SH3D19: variants seen among roughly 807,000 people sequenced by gnomAD.
SH3D19 encodes the protein SH3 domain-containing protein 19.
SH3D19 carries 58 observed loss-of-function variants against 112.1 expected under a neutral mutation model. The ratio of observed to expected loss-of-function variants is 0.52; its 90% confidence interval spans 0.42 to 0.64. SH3D19 has a LOEUF of 0.64. Among genes scored for constraint, SH3D19 ranks in the 30% least tolerant of loss-of-function variants. SH3D19 has a pLI of 0.00. For missense variants in SH3D19, 1,090 were observed against 1,263.4 expected (o/e 0.86, Z 2.08); for synonymous variants, 391 against 448.5 (o/e 0.87, Z 1.62).
intron 2 of SH3D19, among the ~76,000 whole-genome samples, chr4:151,203,535 T>A (rs552606333): frequency 6.6e-6 from 1 of 152,228 alleles, no homozygotes; most frequent in Non-Finnish European, 1.5e-5. Flanking sequence ...TGGCTGGAGA[T>A]AAAAAAATGA....
intron 1 of SH3D19, among the ~76,000 whole-genome samples, chr4:151,241,115 T>A (rs1016284042): frequency 6.3e-4 from 28 of 44,440 alleles, no homozygotes; most frequent in African/African-American, 1.0e-3. Flanking sequence ...TGAAACGTGA[T>A]CTCTACAAAA....
chr4:151,306,486 TG>T (rs746105275), intron 1 of SH3D19, among the ~76,000 whole-genome samples: 14 of 152,168 alleles, frequency 9.2e-5, no homozygotes, highest in Non-Finnish European at 1.9e-4. Flanking sequence ...GCTAAAAAGT[TG>T]GTACTTTTTA....
intron 11 of SH3D19, among the ~76,000 whole-genome samples, chr4:151,144,956 C>T (rs902189927): frequency 8.5e-5 from 13 of 152,200 alleles, no homozygotes; most frequent in Non-Finnish European, 4.4e-5. Flanking sequence ...TGCAATCACA[C>T]AAGCTCACAT....
At position 151,121,525 on chromosome 4, in the gene SH3D19, G is replaced by A. The variant is rs1747973726; in HGVS notation, c.*566C>T. 6.6e-6 allele frequency: 1 copy of A among 152,268 alleles called. No individual in the cohort carries two copies. Among genetic ancestry groups the A allele is most frequent in the East Asian group, 1.9e-4 (1 of 5,198 alleles). The allele number at this position is 152,268 out of a possible 1,614,324, so 9.4% of individuals were successfully genotyped here. Reference sequence around the variant, plus strand: ...CATAAAGATTATTTTGGTGGGCAGGGGCTGATTTCACCATGTGCTTACAAA... The same window carrying A: ...CATAAAGATTATTTTGGTGGGCAGGAGCTGATTTCACCATGTGCTTACAAA... On this transcript the variant is annotated 3_prime_UTR_variant, in exon 20 of 20. Coordinates refer to ENST00000604030, the MANE Select transcript of SH3D19 (RefSeq NM_001378122.1).
At chr4:151,180,369 C>G (rs993899479) in intron 3 of SH3D19, among the ~76,000 whole-genome samples, 2 of 150,766 alleles carry the variant, frequency 1.3e-5, no homozygotes, top group African/African-American at 2.4e-5. Flanking sequence ...AAGTTTTAAT[C>G]GGATAATCTA....
chr4:151,321,984 A>C (rs1206077926), intron 1 of SH3D19, among the ~76,000 whole-genome samples: 1 of 152,194 alleles, frequency 6.6e-6, no homozygotes, highest in African/African-American at 2.4e-5. Context: ...CTGTCAGGTC[A>C]GGCAATTAAG....
chr4:151,263,534 A>T (rs1464054122), intron 1 of SH3D19, among the ~76,000 whole-genome samples: 3 of 152,222 alleles, frequency 2.0e-5, no homozygotes, highest in African/African-American at 7.2e-5. Flanking sequence ...ATTATCTCAT[A>T]GTTTCTGCAG....
At chr4:151,279,239 A>AT in intron 1 of SH3D19, 8 of 203,618 alleles carry the variant, frequency 3.9e-5, no homozygotes, top group South Asian at 1.1e-4. Flanking sequence ...TTTCTTTTTC[A>AT]ATTTTTTTTT....
rs1026673279 is a variant in SH3D19, at chr4:151,159,116, T to C, written c.1755+124A>G. 22 of 512,952 alleles carry C rather than the reference T, an allele frequency of 4.3e-5. 1 individual carries two copies. The highest frequency in any genetic ancestry group is 5.3e-5 in the Non-Finnish European group (16 of 301,056). The allele number at this position is 512,952 out of a possible 1,614,324, so 31.8% of individuals were successfully genotyped here. A position where few individuals can be genotyped will look rare whatever the true frequency, so the allele number is the denominator to read the frequency against. The stretch of plus-strand genomic sequence containing the variant: ...TAAGTACATGGGGCTTAGAGACTGG[T>C]CTCTAATAGAGGGTTCTTGTTTTTA... On this transcript the variant is annotated intron_variant, in intron 9 of 19. Coordinates refer to ENST00000604030, the MANE Select transcript of SH3D19 (RefSeq NM_001378122.1).
chr4:151,259,134 G>A (rs1164626141), intron 1 of SH3D19, among the ~76,000 whole-genome samples: 2 of 152,052 alleles, frequency 1.3e-5, no homozygotes, highest in Non-Finnish European at 1.5e-5. Flanking sequence ...AGGTAACAGA[G>A]TGAGACCTTG....
chr4:151,289,456 G>A (rs931161118), intron 1 of SH3D19, among the ~76,000 whole-genome samples: 5 of 152,130 alleles, frequency 3.3e-5, no homozygotes, highest in Admixed American at 1.3e-4. Flanking sequence ...TGAAACGGAA[G>A]AAAATATTTG....
chr4:151,242,728 G>T (rs560240545), intron 1 of SH3D19, among the ~76,000 whole-genome samples: 1 of 152,278 alleles, frequency 6.6e-6, no homozygotes, highest in Admixed American at 6.5e-5. Context: ...GGTGACAGTT[G>T]ATTAGGAAAT....
At chr4:151,292,290 C>T (rs111524431) in intron 1 of SH3D19, among the ~76,000 whole-genome samples, 3,211 of 151,192 alleles carry the variant, frequency 0.021, 121 homozygotes, top group African/African-American at 0.074. Flanking sequence ...CAGAGCAAGA[C>T]CCTGTCTTTA....
At chr4:151,271,967 G>C (rs1219563724) in intron 1 of SH3D19, among the ~76,000 whole-genome samples, 2 of 152,092 alleles carry the variant, frequency 1.3e-5, no homozygotes, top group Admixed American at 1.3e-4. Flanking sequence ...GATAATCTAA[G>C]ACCTGAAGAC....
chr4:151,147,609 G>T (rs1754154786), intron 11 of SH3D19, among the ~76,000 whole-genome samples: 1 of 152,162 alleles, frequency 6.6e-6, no homozygotes, highest in African/African-American at 2.4e-5. Flanking sequence ...TTACAGGATT[G>T]TGCCATCACG....
chr4:151,210,002 G>A (rs1765705184), intron 2 of SH3D19, among the ~76,000 whole-genome samples: 1 of 152,126 alleles, frequency 6.6e-6, no homozygotes, highest in African/African-American at 2.4e-5. Flanking sequence ...TATTAGCTAT[G>A]GCCAAATAGC....
chr4:151,291,486 C>A, intron 1 of SH3D19: 1 of 1,398,340 alleles, frequency 7.2e-7, no homozygotes, highest in Non-Finnish European at 9.8e-7. Context: ...CCCTGGGTGA[C>A]TTTATTTACA....
chr4:151,141,709 T>C (rs761294882), intron 12 of SH3D19, among the ~76,000 whole-genome samples: 5 of 152,246 alleles, frequency 3.3e-5, no homozygotes, highest in Non-Finnish European at 7.3e-5. Context: ...TGATTTTCAT[T>C]TTTTTCTGAT....
At chr4:151,132,300 G>A (rs1750890028) in intron 17 of SH3D19, 31 bp downstream of exon 17, 2 of 1,598,278 alleles carry the variant, frequency 1.3e-6, no homozygotes, top group Non-Finnish European at 1.7e-6. Context: ...GAACCTGGCT[G>A]TCACTATAGT....
Sources: gnomAD v4.1 joint callset for allele counts (sites outside exome capture counted in the v4.1 genomes callset) on GRCh38, gnomAD v4.1.1 for gene constraint, MANE v1.5 for transcripts, NCBI Gene and HGNC (gene_info 2026-07-23, HGNC 2026-07-21) for gene names.